Variants in MGLL observed in about 807,000 individuals in gnomAD.
MGLL encodes the protein monoglyceride lipase.
Under a neutral mutation model 29.1 loss-of-function variants are expected in MGLL, and 7 were observed. The ratio of observed to expected loss-of-function variants is 0.24; its 90% CI spans 0.14 to 0.45. The LOEUF (loss-of-function observed/expected upper bound fraction) is 0.45, where lower values mean the gene tolerates loss of function less well. Ranked by LOEUF, MGLL falls within the 20% of genes least tolerant of loss-of-function variation. The probability of loss-of-function intolerance (pLI) is 0.99; values close to 1 mark genes in which losing one functional copy is unlikely to be tolerated. For missense variants in MGLL, 356 were observed against 413.6 expected, an observed-to-expected ratio of 0.86 and a Z score of 1.21; for synonymous variants, 148 against 168.3, an observed-to-expected ratio of 0.88 and a Z score of 0.93.
intron 3 of MGLL, among the ~76,000 whole-genome samples, chr3:127,755,511 T>C (rs1380861356): frequency 6.6e-6 from 1 of 152,096 alleles, no homozygotes; most frequent in African/African-American, 2.4e-5. Context: ...TGCTTATGAA[T>C]GCGTGTGGGT....
At chr3:127,811,228 C>T (rs1344853466) in intron 2 of MGLL, among the ~76,000 whole-genome samples, 5 of 136,068 alleles carry the variant, frequency 3.7e-5, no homozygotes, top group Non-Finnish European at 7.4e-5. Context: ...ATCATCCATG[C>T]AACAAACGTG....
At chr3:127,774,670 T>C (rs2077002920) in intron 3 of MGLL, among the ~76,000 whole-genome samples, 1 of 152,180 alleles carries the variant, frequency 6.6e-6, no homozygotes, top group African/African-American at 2.4e-5. Flanking sequence ...ATGCCTGGCG[T>C]TGTGTATGGT....
chr3:127,692,099 T>C lies in MGLL; in HGVS notation c.*99A>G. 1 of 861,754 alleles carries C rather than the reference T, an allele frequency of 1.2e-6. No homozygotes were observed. The highest frequency in any genetic ancestry group is 3.6e-5 in the East Asian group (1 of 28,164). 53.4% of individuals were successfully genotyped at this position (861,754 alleles called of 1,614,324 possible). On this transcript the variant is annotated 3_prime_UTR_variant, in exon 8 of 8. Coordinates refer to ENST00000265052, the MANE Select transcript of MGLL (RefSeq NM_007283.7). ...AAGGATTTCTCCAATTTCTGATTTT[T>C]TTTTTTTTTTTTTTTTGGCAAGCCA...
intron 2 of MGLL, among the ~76,000 whole-genome samples, chr3:127,798,215 T>C (rs1336403485): frequency 6.6e-6 from 1 of 152,206 alleles, no homozygotes; most frequent in Non-Finnish European, 1.5e-5. Flanking sequence ...AGTTTTGTGA[T>C]AATCACTCTT....
At chr3:127,756,143 A>G (rs535981018) in intron 3 of MGLL, among the ~76,000 whole-genome samples, 1 of 152,346 alleles carries the variant, frequency 6.6e-6, no homozygotes, top group African/African-American at 2.4e-5. Flanking sequence ...CAAAGAGGTA[A>G]ATGAAGCTAG....
chr3:127,703,745 C>T (rs1477325097), intron 6 of MGLL, among the ~76,000 whole-genome samples: 3 of 152,192 alleles, frequency 2.0e-5, no homozygotes, highest in Non-Finnish European at 4.4e-5. Flanking sequence ...AGTACATTAT[C>T]AGCAGAGGGA....
intron 2 of MGLL, 146 bp from the exon 3 acceptor site, chr3:127,782,041 T>C: frequency 1.4e-6 from 1 of 735,768 alleles, no homozygotes. Context: ...ACCAACATAG[T>C]GAAACCCCAC....
intron 2 of MGLL, among the ~76,000 whole-genome samples, chr3:127,820,660 TC>T (rs1274738798): frequency 6.6e-6 from 1 of 152,108 alleles, no homozygotes; most frequent in Non-Finnish European, 1.5e-5. Context: ...CCCCCCCACT[TC>T]CTCTAATGCG....
chr3:127,705,764 G>A (rs1390417919), intron 6 of MGLL, among the ~76,000 whole-genome samples: 2 of 124,116 alleles, frequency 1.6e-5, no homozygotes, highest in Non-Finnish European at 3.2e-5. Context: ...CGACGAGAGA[G>A]AAACTCCATC....
In MGLL at chr3:127,694,325, ATATGTGTATATATATG is replaced by A. The variant is rs1479846708; in HGVS notation, c.816+634_816+649del. 6.9e-5 allele frequency among the ~76,000 whole-genome samples: 6 copies of A among 86,810 alleles called. 1 individual carries two copies. Among genetic ancestry groups the A allele is most frequent in the South Asian group, 4.1e-4 (1 of 2,438 alleles). The allele number at this position is 86,810 out of a possible 152,430, so 57.0% of individuals were successfully genotyped here. A position where few individuals can be genotyped will look rare whatever the true frequency, so the allele number is the denominator to read the frequency against. On this transcript the variant is annotated intron_variant, in intron 7 of 7. Transcript: ENST00000265052. Reference sequence around the variant, plus strand: ...TATATATATGTATGTGTGTATATATATATGTGTATATATATGTATGTGTATATATATGTGTATATAT... The same window carrying A: ...TATATATATGTATGTGTGTATATATATATGTGTATATATATGTGTATATAT...
intron 6 of MGLL, among the ~76,000 whole-genome samples, chr3:127,704,478 A>AT (rs2075560133): frequency 6.6e-6 from 1 of 152,202 alleles, no homozygotes; most frequent in African/African-American, 2.4e-5. Flanking sequence ...ATAGGAGAAA[A>AT]TTTTTACAAT....
rs200703589 is a variant in MGLL at position 127,721,136 on chromosome 3, C to G, written c.427G>C (p.Ala143Pro). 1 of 1,614,188 alleles carries G rather than the reference C, an allele frequency of 6.2e-7. No individual in the cohort carries two copies. The highest frequency in any genetic ancestry group is 2.2e-5 in the East Asian group (1 of 44,886). Residue 143 changes from alanine (A) to proline (P), a missense_variant, in exon 5 of 8, where the codon GCA (alanine) becomes CCA (proline). Ala to Pro is a conservative substitution (Grantham distance 27). Transcript: ENST00000265052. ...MGGAIAILTA[A>P]ERPGHFAGMV... ...CCGGCGAAGTGGCCCGGCCTCTCTG[C>G]GGCCGTGAGGATGGCGATGGCGCCT...
At chr3:127,785,620 CCCT>C (rs2077199610) in intron 2 of MGLL, among the ~76,000 whole-genome samples, 1 of 152,262 alleles carries the variant, frequency 6.6e-6, no homozygotes, top group African/African-American at 2.4e-5. Flanking sequence ...CCACGCAGGA[CCCT>C]GCGCAAGTCG....
At chr3:127,808,065 CT>C (rs1236203772) in intron 2 of MGLL, among the ~76,000 whole-genome samples, 6 of 152,080 alleles carry the variant, frequency 3.9e-5, no homozygotes, top group African/African-American at 1.4e-4. Context: ...TGGACGAAAA[CT>C]CTTTTTTTCT....
chr3:127,788,479 A>T (rs762660405), intron 2 of MGLL, among the ~76,000 whole-genome samples: 7 of 152,036 alleles, frequency 4.6e-5, no homozygotes, highest in Non-Finnish European at 1.0e-4. Context: ...ATAAGACAAC[A>T]CCACGTAATG....
chr3:127,767,926 T>G (rs2076886396), intron 3 of MGLL, among the ~76,000 whole-genome samples: 1 of 152,184 alleles, frequency 6.6e-6, no homozygotes, highest in African/African-American at 2.4e-5. Context: ...TCATAACAAC[T>G]TATGAGGTAG....
At chr3:127,753,288 G>A (rs928856132) in intron 3 of MGLL, among the ~76,000 whole-genome samples, 1 of 152,172 alleles carries the variant, frequency 6.6e-6, no homozygotes, top group Non-Finnish European at 1.5e-5. Flanking sequence ...AGGTGTCGAC[G>A]ATGAATTCCC....
intron 3 of MGLL, among the ~76,000 whole-genome samples, chr3:127,733,696 G>T (rs1183251060): frequency 3.3e-5 from 5 of 152,128 alleles, no homozygotes; most frequent in African/African-American, 9.7e-5. Context: ...TTAAAAAATG[G>T]CCTCATTATA....
chr3:127,741,803 T>C (rs2076345896), intron 3 of MGLL, among the ~76,000 whole-genome samples: 1 of 152,258 alleles, frequency 6.6e-6, no homozygotes, highest in African/African-American at 2.4e-5. Context: ...AATACCTGTT[T>C]TGTGTCAGGT....
Sources: gnomAD v4.1 joint callset for allele counts (sites outside exome capture counted in the v4.1 genomes callset) on GRCh38, gnomAD v4.1.1 for gene constraint, MANE v1.5 for transcripts, NCBI Gene and HGNC (gene_info 2026-07-23, HGNC 2026-07-21) for gene names.